MYO1C: variants seen among roughly 807,000 people sequenced by gnomAD.
MYO1C encodes the protein myosin IC.
Under a neutral mutation model 150.8 loss-of-function variants are expected in MYO1C, and 104 were observed. That is an observed-to-expected ratio of 0.69 (90% CI 0.59 to 0.81). The LOEUF is 0.81. MYO1C is among the 30% of genes least tolerant of loss of function. The pLI is 0.00. For synonymous variants in MYO1C, 663 were observed against 579.9 expected, an observed-to-expected ratio of 1.14 and a Z score of -2.06; for missense variants, 1,504 against 1,435.0, an observed-to-expected ratio of 1.05 and a Z score of -0.78.
At position 1,478,349 on chromosome 17, in the gene MYO1C, A is replaced by C. The variant is rs45612233; in HGVS notation, c.1295+61T>G. 46,522 of 1,601,642 alleles carry C rather than the reference A, an allele frequency of 0.029. 1,743 individuals are homozygous for C. The highest frequency in any genetic ancestry group is 0.15 in the Admixed American group (8,999 of 59,992). Reference sequence around the variant, plus strand: ...CAGGGCAGGAATGAGAGGCTGGAGGACAGAAGAGAGGGAGCAGGACAGGAG... The same window carrying C: ...CAGGGCAGGAATGAGAGGCTGGAGGCCAGAAGAGAGGGAGCAGGACAGGAG... On this transcript the variant is annotated intron_variant, in intron 11 of 31. Coordinates refer to ENST00000648651, the MANE Select transcript of MYO1C (RefSeq NM_001080779.2). The surrounding 1 kb of genome is among the most constrained non-coding windows in gnomAD (Gnocchi z 6.3).
intron 1 of MYO1C, among the ~76,000 whole-genome samples, chr17:1,486,663 G>A (rs2074662424): frequency 6.6e-6 from 1 of 152,136 alleles, no homozygotes; most frequent in African/African-American, 2.4e-5. Context: ...TTACAGGCGT[G>A]CGCCACCACA....
At chr17:1,489,448 G>T (rs1411101198) in intron 1 of MYO1C, among the ~76,000 whole-genome samples, 1 of 152,252 alleles carries the variant, frequency 6.6e-6, no homozygotes, top group Admixed American at 6.5e-5. Context: ...GCCGAGGTGG[G>T]AGGATCGCTT....
In MYO1C at chr17:1,478,378, G is replaced by A. The variant is rs200559492; in HGVS notation, c.1295+32C>T. 4.5e-4 allele frequency: 726 copies of A among 1,612,508 alleles called. 2 individuals carry two copies. Among genetic ancestry groups the A allele is most frequent in the Middle Eastern group, 4.5e-3 (27 of 6,058 alleles). ...AAGAGAGGGAGCAGGACAGGAGACC[G>A]GGAGGAGAGACGGGGGAAAGATGGC... On this transcript the variant is annotated intron_variant, in intron 11 of 31. Coordinates refer to ENST00000648651, the MANE Select transcript of MYO1C (RefSeq NM_001080779.2). The surrounding 1 kb of genome is among the most constrained non-coding windows in gnomAD (Gnocchi z 6.3).
rs1374068448 is a variant in MYO1C, at chr17:1,478,612, T to C, written c.1212+4A>G. The C allele has an allele frequency of 6.2e-7, 1 of 1,613,916 alleles. No individual in the cohort carries two copies. Among genetic ancestry groups the C allele is most frequent in the African/African-American group, 1.3e-5 (1 of 74,978 alleles). On this transcript the variant is annotated splice_donor_region_variant and intron_variant, in intron 10 of 31. Transcript: ENST00000648651. This position sits in a 1 kb window ranked among gnomAD's most constrained non-coding sequence, Gnocchi z 6.3. ...CTTGGGAGCAGTGTGGACCGAGCCC[T>C]CACCTTGGAGGCCAGCGACCTGTTG... is the stretch of plus-strand genomic sequence containing the variant.
intron 1 of MYO1C, chr17:1,485,925 C>T (rs1313930399): frequency 1.4e-5 from 2 of 145,090 alleles, no homozygotes; most frequent in Admixed American, 6.9e-5. Context: ...GGTGTCGGGG[C>T]GGGGGGTCCG....
At chr17:1,488,272 C>G (rs2074690870) in intron 1 of MYO1C, among the ~76,000 whole-genome samples, 1 of 152,136 alleles carries the variant, frequency 6.6e-6, no homozygotes. Context: ...CGCTGGCGCC[C>G]CCGCAGCCAC....
chr17:1,478,759 G>A lies in MYO1C; in HGVS notation c.1093-24C>T, dbSNP rs369725567. 10 of 1,612,542 alleles carry A rather than the reference G, an allele frequency of 6.2e-6. No homozygotes were observed. The South Asian group carries it at 7.7e-5, about 12-fold the overall frequency. ...AGCTGTGGACGCAGCGTGAGACAAG[G>A]AGATGAATGCCACAGAGCCTGTGCA... On this transcript the variant is annotated intron_variant, in intron 9 of 31. Transcript: ENST00000648651. This position sits in a 1 kb window ranked among gnomAD's most constrained non-coding sequence, Gnocchi z 6.3.
rs565211907 is a variant in MYO1C at position 1,479,913 on chromosome 17, A to G, written c.907-208T>C. Among the ~76,000 whole-genome samples, 3 of 152,148 alleles carry G rather than the reference A, an allele frequency of 2.0e-5. No homozygotes were observed. The East Asian group carries it at 5.8e-4, about 29-fold the overall frequency. ...GTAATCCCAGCACTTTGGGAGGCTG[A>G]GGCGGGAGGATCATCTGAGGTCAGG... On this transcript the variant is annotated intron_variant, in intron 7 of 31. Transcript: ENST00000648651. This position sits in a 1 kb window ranked among gnomAD's most constrained non-coding sequence, Gnocchi z 4.2.
chr17:1,471,779 G>T (rs765401992), intron 19 of MYO1C, 128 bp downstream of exon 19: 50 of 1,003,174 alleles, frequency 5.0e-5, no homozygotes, highest in Non-Finnish European at 7.6e-5. Flanking sequence ...CCTCCACCAA[G>T]GGCAGCCCAG....
rs370199183 is a variant in MYO1C, at chr17:1,478,532, C to T, written c.1213-40G>A. 7 of 1,613,742 alleles carry T rather than the reference C, an allele frequency of 4.3e-6. No homozygotes were observed. Among genetic ancestry groups the T allele is most frequent in the Non-Finnish European group, 5.9e-6 (7 of 1,179,872 alleles). Reference sequence around the variant, plus strand: ...CAACCGAAGGCGTGGGCCCCCTGCGCGTGCCAGCCCCACCCTGCAGCACCC... The same window carrying T: ...CAACCGAAGGCGTGGGCCCCCTGCGTGTGCCAGCCCCACCCTGCAGCACCC... On this transcript the variant is annotated intron_variant, in intron 10 of 31. Transcript: ENST00000648651. The surrounding 1 kb of genome is among the most constrained non-coding windows in gnomAD (Gnocchi z 6.3).
chr17:1,481,747 T>C (rs531359369), intron 5 of MYO1C, among the ~76,000 whole-genome samples: 9 of 150,534 alleles, frequency 6.0e-5, no homozygotes, highest in East Asian at 2.0e-4. Context: ...GTGATCCACC[T>C]GCCCCAACCT....
intron 25 of MYO1C, 59 bp from the exon 26 acceptor site, chr17:1,468,555 C>G (rs2074231392): frequency 7.1e-7 from 1 of 1,406,784 alleles, no homozygotes; most frequent in African/African-American, 1.4e-5. Flanking sequence ...CTTGGGGGGG[C>G]AGAGCCAGCC....
At chr17:1,475,243 A>AC (rs1180699042) in intron 14 of MYO1C, among the ~76,000 whole-genome samples, 1 of 151,940 alleles carries the variant, frequency 6.6e-6, no homozygotes. Context: ...ATATGGTGAA[A>AC]CCCCATCTCT....
chr17:1,490,841 A>AGG (rs10693599), intron 1 of MYO1C: 57,100 of 151,228 alleles, frequency 0.38, 10,845 homozygotes, highest in Middle Eastern at 0.41. Flanking sequence ...TCCCCCCAGG[A>AGG]GGGGGCCTTC....
chr17:1,490,029 C>T lies in MYO1C; in HGVS notation c.75+2384G>A, dbSNP rs1451626644. 2.7e-5 allele frequency among the ~76,000 whole-genome samples: 3 copies of T among 112,228 alleles called. No homozygotes were observed. In the Admixed American group the frequency reaches 2.8e-4, roughly 11 times the overall value. 73.6% of individuals were successfully genotyped at this position (112,228 alleles called of 152,430 possible). On this transcript the variant is annotated intron_variant, in intron 1 of 31. Coordinates refer to ENST00000648651, the MANE Select transcript of MYO1C (RefSeq NM_001080779.2). ...CACTCCAGACTGAGTGACAGAGACA[C>T]TGTCTCAAAAAAAAAAAAAAAAAAA...
At chr17:1,491,539 C>CG (rs1404023183) in intron 1 of MYO1C, 34 of 811,876 alleles carry the variant, frequency 4.2e-5, no homozygotes, top group African/African-American at 5.6e-5. Flanking sequence ...GCTCCCGGCC[C>CG]GGCCGCCCGC....
At chr17:1,477,275 G>A (rs12940322) in intron 14 of MYO1C, 15,798 of 573,906 alleles carry the variant, frequency 0.028, 314 homozygotes, top group Non-Finnish European at 0.036. Context: ...AAACTCCAGG[G>A]CTCAAGTGAT....
intron 1 of MYO1C, chr17:1,484,570 G>T: frequency 1.7e-6 from 1 of 581,714 alleles, no homozygotes; most frequent in East Asian, 2.9e-5. Context: ...GAGACAACAT[G>T]AACCACTTGG....
Position 1,482,511 on chromosome 17 carries a change from G to A in MYO1C, c.594C>T (p.Phe198=), listed in dbSNP as rs201401570. 296 of 1,614,036 alleles carry A rather than the reference G, an allele frequency of 1.8e-4. 1 individual carries two copies. In the South Asian group the frequency reaches 2.7e-3, roughly 15 times the overall value. Residue 198 remains phenylalanine, a synonymous_variant, in exon 5 of 32, where the codon TTC becomes TTT. Coordinates refer to ENST00000648651, the MANE Select transcript of MYO1C (RefSeq NM_001080779.2). ...KTLRNDNSSR[F]GKYMDVQFDF... ...CAAACTGCACATCCATGTACTTCCC[G>A]AACCTGCTGGAGTTATCGTTCCGGA...
Sources: allele counts gnomAD v4.1 joint callset (sites outside exome capture counted in the v4.1 genomes callset), GRCh38; gene constraint gnomAD v4.1.1; non-coding constraint Gnocchi (gnomAD v3.1); transcripts MANE v1.5; gene names NCBI Gene and HGNC (gene_info 2026-07-23, HGNC 2026-07-21).